CHIC2: variants seen among roughly 807,000 people sequenced by gnomAD.
CHIC2 encodes cysteine-rich hydrophobic domain-containing protein 2.
A neutral mutation model predicts 25.9 loss-of-function variants in CHIC2; 14 were observed. That is an observed-to-expected ratio of 0.54 (90% confidence interval 0.36 to 0.85). CHIC2 has a LOEUF of 0.85. CHIC2 is among the 40% of genes least tolerant of loss of function. CHIC2 has a pLI of 0.01. For missense variants in CHIC2, 146 were observed against 202.0 expected (o/e 0.72, Z 1.68); for synonymous variants, 70 against 72.0 (o/e 0.97, Z 0.14).
intron 3 of CHIC2, among the ~76,000 whole-genome samples, chr4:54,042,941 T>C (rs1051386786): frequency 6.6e-6 from 1 of 152,206 alleles, no homozygotes; most frequent in Non-Finnish European, 1.5e-5. Flanking sequence ...GAGAATTTGA[T>C]CATCCATACT....
intron 3 of CHIC2, among the ~76,000 whole-genome samples, chr4:54,030,537 A>AAT (rs1385292433): frequency 1.4e-3 from 195 of 139,642 alleles, no homozygotes; most frequent in East Asian, 7.1e-3. Flanking sequence ...AAAAAAAAAA[A>AAT]ATATATATAT....
chr4:54,078,529 G>A, the CHIC2 span, among the ~76,000 whole-genome samples: 2 of 151,808 alleles, frequency 1.3e-5, no homozygotes, highest in African/African-American at 4.8e-5. Context: ...TTTATTTATT[G>A]TTTTGAGACA....
At chr4:54,053,014 T>C (rs1717055286) in intron 1 of CHIC2, among the ~76,000 whole-genome samples, 3 of 152,306 alleles carry the variant, frequency 2.0e-5, no homozygotes, top group South Asian at 2.1e-4. Context: ...TAAACAACCA[T>C]TAAAAATGAA....
At chr4:54,051,317 C>T (rs13120133) in intron 1 of CHIC2, among the ~76,000 whole-genome samples, 52,762 of 151,840 alleles carry the variant, frequency 0.35, 9,480 homozygotes, top group Middle Eastern at 0.43. Flanking sequence ...AATTGTTTAC[C>T]TTCTTCACAC....
chr4:54,076,310 A>T, the CHIC2 span, among the ~76,000 whole-genome samples: 6 of 152,146 alleles, frequency 3.9e-5, no homozygotes, highest in Non-Finnish European at 7.3e-5. Flanking sequence ...TTAATTAATT[A>T]AATTAATTTT....
At position 54,020,546 on chromosome 4, in the gene CHIC2, C is replaced by T. The variant is rs563548638; in HGVS notation, c.331-6427G>A. 4.6e-5 allele frequency among the ~76,000 whole-genome samples: 7 copies of T among 152,316 alleles called. No homozygotes were observed. In the South Asian group the frequency reaches 6.2e-4, roughly 14 times the overall value. On this transcript the variant is annotated intron_variant, in intron 3 of 5. Coordinates refer to ENST00000263921, the MANE Select transcript of CHIC2 (RefSeq NM_012110.4). The stretch of plus-strand genomic sequence containing the variant: ...AAGACCCGGGTCAGAGGGACTCCTT[C>T]GGAAGACCAGTCCCCTGTCCTCGCC...
At chr4:54,042,195 T>TA (rs1716599256) in intron 3 of CHIC2, among the ~76,000 whole-genome samples, 2 of 152,160 alleles carry the variant, frequency 1.3e-5, no homozygotes. Flanking sequence ...CATGTTTGTT[T>TA]ATGCTCCCTA....
chr4:54,080,968 AT>A, the CHIC2 span, among the ~76,000 whole-genome samples: 12 of 141,668 alleles, frequency 8.5e-5, no homozygotes, highest in African/African-American at 3.1e-4. Context: ...ATATATATAT[AT>A]ATATATATAT....
chr4:54,072,772 A>T, the CHIC2 span, among the ~76,000 whole-genome samples: 1 of 152,100 alleles, frequency 6.6e-6, no homozygotes. Context: ...TGGTCCTTCA[A>T]ATATGTTAAG....
chr4:54,066,326 A>C (rs756873763), upstream of CHIC2, among the ~76,000 whole-genome samples: 24 of 152,188 alleles, frequency 1.6e-4, no homozygotes, highest in Non-Finnish European at 2.9e-4. Flanking sequence ...GTACACAATA[A>C]ATACGGGGTA....
chr4:54,064,609 G>C, upstream of CHIC2: 4 of 1,166,302 alleles, frequency 3.4e-6, no homozygotes, highest in African/African-American at 3.2e-5. This position sits in a 1 kb window ranked among gnomAD's most constrained non-coding sequence, Gnocchi z 4.2. Flanking sequence ...GGAAACCACA[G>C]CAACAGCCCG....
At chr4:54,026,177 T>C (rs1716052405) in intron 3 of CHIC2, among the ~76,000 whole-genome samples, 1 of 152,206 alleles carries the variant, frequency 6.6e-6, no homozygotes, top group Non-Finnish European at 1.5e-5. Context: ...GCCTTCAATT[T>C]CCTGTTCTTT....
chr4:54,075,303 T>C, the CHIC2 span, among the ~76,000 whole-genome samples: 1 of 152,208 alleles, frequency 6.6e-6, no homozygotes, highest in East Asian at 1.9e-4. Flanking sequence ...GAAGCTATAA[T>C]GGACTATGAG....
chr4:54,027,476 GT>G, intron 3 of CHIC2, among the ~76,000 whole-genome samples: 1 of 152,256 alleles, frequency 6.6e-6, no homozygotes, highest in Middle Eastern at 3.4e-3. Flanking sequence ...ATCTGTTTAA[GT>G]TTCAAGGCCA....
At chr4:54,044,918 GA>G (rs1406573080) in intron 3 of CHIC2, among the ~76,000 whole-genome samples, 24 of 151,752 alleles carry the variant, frequency 1.6e-4, no homozygotes, top group African/African-American at 5.6e-4. Context: ...TAATAAAGAA[GA>G]AAAGAGAGAA....
chr4:54,045,447 C>A (rs1325177828), intron 3 of CHIC2, among the ~76,000 whole-genome samples: 1 of 152,124 alleles, frequency 6.6e-6, no homozygotes, highest in Non-Finnish European at 1.5e-5. Context: ...AAAGCTTATC[C>A]ACCATGATCA....
the CHIC2 span, among the ~76,000 whole-genome samples, chr4:54,090,405 G>A: frequency 6.6e-6 from 1 of 152,024 alleles, no homozygotes; most frequent in Non-Finnish European, 1.5e-5. Context: ...GGCTGGTCTC[G>A]AACTTCTAGC....
At chr4:54,062,288 T>G (rs1386304155) in intron 1 of CHIC2, among the ~76,000 whole-genome samples, 2 of 152,152 alleles carry the variant, frequency 1.3e-5, no homozygotes, top group African/African-American at 4.8e-5. Flanking sequence ...TAACCTGGAA[T>G]AGTTTTCAAT....
chr4:54,081,031 CAATT>C, the CHIC2 span, among the ~76,000 whole-genome samples: 1 of 142,800 alleles, frequency 7.0e-6, no homozygotes, highest in Non-Finnish European at 1.5e-5. Context: ...TTTTATTTGT[CAATT>C]AAATATATAC....
Sources: gnomAD v4.1 joint callset for allele counts (sites outside exome capture counted in the v4.1 genomes callset) on GRCh38, gnomAD v4.1.1 for gene constraint, Gnocchi (gnomAD v3.1) non-coding constraint, MANE v1.5 for transcripts, NCBI Gene and HGNC (gene_info 2026-07-23, HGNC 2026-07-21) for gene names.